Variants in RBFA observed in about 807,000 individuals in gnomAD.
The protein encoded by RBFA is putative ribosome-binding factor A, mitochondrial.
In RBFA, 16 loss-of-function variants were observed where a neutral mutation model predicts 27.9. The ratio of observed to expected loss-of-function variants is 0.57; its 90% CI spans 0.39 to 0.87. The LOEUF is 0.87. Among genes scored for constraint, RBFA ranks in the 40% least tolerant of loss-of-function variants. RBFA has a pLI of 0.00. For synonymous variants in RBFA, 181 were observed against 181.0 expected, an observed-to-expected ratio of 1.00 and a Z score of 0.00; for missense variants, 456 against 432.1, an observed-to-expected ratio of 1.06 and a Z score of -0.49.
rs892751568 is a variant in RBFA at position 80,046,790 on chromosome 18, C to A, written c.*635C>A. 1 of 153,146 alleles carries A rather than the reference C, an allele frequency of 6.5e-6. No homozygotes were observed. Among genetic ancestry groups the A allele is most frequent in the Non-Finnish European group, 1.5e-5 (1 of 68,680 alleles). 9.5% of individuals were successfully genotyped at this position (153,146 alleles called of 1,614,324 possible). On this transcript the variant is annotated 3_prime_UTR_variant, in exon 7 of 7. Coordinates refer to ENST00000306735, the MANE Select transcript of RBFA (RefSeq NM_024805.3). Reference sequence around the variant, plus strand: ...GGCGACCCCGGCTCTGACCGTGGTTCCATCACGCCTGAAGTAGTAACACTT... The same window carrying A: ...GGCGACCCCGGCTCTGACCGTGGTTACATCACGCCTGAAGTAGTAACACTT...
Position 80,042,122 on chromosome 18 carries a change from TTC to T in RBFA, c.492-11_492-10del. On this transcript the variant is annotated splice_polypyrimidine_tract_variant and intron_variant, in intron 4 of 6. Transcript: ENST00000306735. ...CGGCACAGCTGTGAGGGTCTGTGCG[TTC>T]TGTCTCCTAGGCACCTTTTGATGTC... is the stretch of plus-strand genomic sequence containing the variant. 1 of 1,600,226 alleles carries T rather than the reference TTC, an allele frequency of 6.2e-7. No homozygotes were observed. The highest frequency in any genetic ancestry group is 8.5e-7 in the Non-Finnish European group (1 of 1,171,828).
In RBFA at chr18:80,046,065, A is replaced by G. The variant is rs756000500; in HGVS notation, c.942A>G (p.Glu314=). The G allele has an allele frequency of 5.6e-6, 9 of 1,614,018 alleles. No homozygotes were observed. Among genetic ancestry groups the G allele is most frequent in the Non-Finnish European group, 7.6e-6 (9 of 1,180,044 alleles). Residue 314 remains glutamate, a synonymous_variant, in exon 7 of 7, where the codon GAA becomes GAG. Coordinates refer to ENST00000306735, the MANE Select transcript of RBFA (RefSeq NM_024805.3). ...ACCTGGTTGGTGCCCCGGAGTACGA[A>G]TGCTATGCCCCGGACACAGAGGAGT... ...DLDLVGAPEY[E]CYAPDTEELE...
intron 5 of RBFA, among the ~76,000 whole-genome samples, chr18:80,042,979 C>T (rs1485051172): frequency 3.3e-5 from 5 of 152,136 alleles, no homozygotes; most frequent in Admixed American, 2.0e-4. Flanking sequence ...TGCCCTCCCA[C>T]GCCTGTCTCC....
chr18:80,046,323 GTTTT>G lies in RBFA; in HGVS notation c.*174_*177del. 1.4e-6 allele frequency: 1 copy of G among 729,222 alleles called. No individual in the cohort carries two copies. Among genetic ancestry groups the G allele is most frequent in the East Asian group, 2.8e-5 (1 of 35,162 alleles). 45.2% of individuals were successfully genotyped at this position (729,222 alleles called of 1,614,324 possible). A position where few individuals can be genotyped will look rare whatever the true frequency, so the allele number is the denominator to read the frequency against. ...AACACAATTTGCTACACAAGTCACTGTTTTTTTTTCCATGCACTGTGTGTAATTT... is the reference window on the plus strand; with the variant it reads ...AACACAATTTGCTACACAAGTCACTGTTTTTCCATGCACTGTGTGTAATTT... On this transcript the variant is annotated 3_prime_UTR_variant, in exon 7 of 7. Transcript: ENST00000306735.
intron 2 of RBFA, 112 bp downstream of exon 2, chr18:80,036,822 T>C: frequency 1.4e-6 from 1 of 691,888 alleles, no homozygotes; most frequent in Non-Finnish European, 2.4e-6. Context: ...GGATAGTGTC[T>C]ATGTGGATGC....
intron 6 of RBFA, 47 bp from the exon 7 acceptor site, chr18:80,045,727 T>G (rs2052047138): frequency 6.7e-7 from 1 of 1,495,380 alleles, no homozygotes; most frequent in Non-Finnish European, 8.9e-7. Flanking sequence ...CACTGTGGAC[T>G]AGGGGCATGG....
At position 80,046,966 on chromosome 18, in the gene RBFA, C is replaced by T. The variant is rs1308725101; in HGVS notation, c.*811C>T. The stretch of plus-strand genomic sequence containing the variant: ...CGCAAAGATTCGTTTTGCTGTTTAT[C>T]AGAAGAGAAAACACAGATTCCATAC... On this transcript the variant is annotated 3_prime_UTR_variant, in exon 7 of 7. Transcript: ENST00000306735. 1 of 152,418 alleles carries T rather than the reference C, an allele frequency of 6.6e-6. No homozygotes were observed. The highest frequency in any genetic ancestry group is 1.5e-5 in the Non-Finnish European group (1 of 68,038). 9.4% of individuals were successfully genotyped at this position (152,418 alleles called of 1,614,324 possible).
chr18:80,041,227 G>A (rs12455376), intron 4 of RBFA: 71,641 of 152,078 alleles, frequency 0.47, 17,656 homozygotes, highest in East Asian at 0.77. Context: ...TGTTGAAACA[G>A]CATTGTTTTC....
chr18:80,039,535 G>A (rs1195899850), intron 4 of RBFA, among the ~76,000 whole-genome samples: 4 of 152,130 alleles, frequency 2.6e-5, no homozygotes, highest in Admixed American at 2.0e-4. Flanking sequence ...AAAAATAAGC[G>A]AGTGAACCTA....
At chr18:80,042,464 T>A (rs2145147502) in intron 5 of RBFA, among the ~76,000 whole-genome samples, 1 of 152,094 alleles carries the variant, frequency 6.6e-6, no homozygotes, top group South Asian at 2.1e-4. Context: ...CCTGAAAAGA[T>A]AATGTACAGT....
chr18:80,037,491 C>T lies in RBFA; in HGVS notation c.363C>T (p.Asn121=), dbSNP rs779505938. The T allele has an allele frequency of 9.9e-6, 16 of 1,612,116 alleles. No homozygotes were observed. Among genetic ancestry groups the T allele is most frequent in the Admixed American group, 5.0e-5 (3 of 59,944 alleles). Residue 121 remains asparagine, a synonymous_variant, in exon 3 of 7, where the codon AAC becomes AAT. Coordinates refer to ENST00000306735, the MANE Select transcript of RBFA (RefSeq NM_024805.3). ...PEVSQELYDL[N]VELSKVSLTP... ...TGAGTCAGGAGCTGTATGACCTTAA[C>T]GTGGAGCTCTCCAAGGTAGGCTGTG... is the stretch of plus-strand genomic sequence containing the variant.
intron 6 of RBFA, among the ~76,000 whole-genome samples, chr18:80,045,557 CT>C (rs2052045678): frequency 6.6e-6 from 1 of 152,084 alleles, no homozygotes; most frequent in Non-Finnish European, 1.5e-5. Flanking sequence ...GACGGTGCAC[CT>C]GGACTGTGCT....
At position 80,045,937 on chromosome 18, in the gene RBFA, A is replaced by T. The variant is rs1331286531; in HGVS notation, c.814A>T (p.Thr272Ser). The change falls in exon 7 of 7, where the codon ACA (threonine) becomes TCA (serine). Residue 272 changes from threonine to serine, a missense_variant. By Grantham distance (58) the Thr-to-Ser change is moderately conservative (BLOSUM62 1). Coordinates refer to ENST00000306735, the MANE Select transcript of RBFA (RefSeq NM_024805.3). ...LVWQGQVAELTTQMKKGRKRA... is the reference protein window; with the variant it reads ...LVWQGQVAELSTQMKKGRKRA... ...GTGGCAGGGGCAGGTGGCTGAGCTG[A>T]CAACGCAGATGAAAAAGGGAAGGAA... 42 of 1,613,902 alleles carry T rather than the reference A, an allele frequency of 2.6e-5. No homozygotes were observed. The highest frequency in any genetic ancestry group is 3.5e-5 in the Non-Finnish European group (41 of 1,179,970).
At chr18:80,038,133 A>ATCTCAGTG (rs2051993237) in intron 3 of RBFA, among the ~76,000 whole-genome samples, 2 of 152,210 alleles carry the variant, frequency 1.3e-5, no homozygotes, top group Non-Finnish European at 2.9e-5. Context: ...CTCAGTACAG[A>ATCTCAGTG]GGTACAGGAG....
At chr18:80,034,925 A>G in intron 1 of RBFA, 1 of 400,370 alleles carries the variant, frequency 2.5e-6, no homozygotes, top group Non-Finnish European at 4.4e-6. Flanking sequence ...AGTTTCAGAA[A>G]ATGAGGAAAA....
chr18:80,048,851 T>C lies in RBFA; in HGVS notation c.*2696T>C, dbSNP rs1326283892. Among the ~76,000 whole-genome samples the C allele has an allele frequency of 6.9e-6, 1 of 145,186 alleles. No homozygotes were observed. Among genetic ancestry groups the C allele is most frequent in the Non-Finnish European group, 1.5e-5 (1 of 66,998 alleles). On this transcript the variant is annotated 3_prime_UTR_variant, in exon 7 of 7. Transcript: ENST00000306735. ...TCAGTGCCTCCTAGAAAGTGGAGTGTGGGCATGTTTGCAGGGGATCCAACC... is the reference window on the plus strand; with the variant it reads ...TCAGTGCCTCCTAGAAAGTGGAGTGCGGGCATGTTTGCAGGGGATCCAACC...
At chr18:80,036,996 C>T (rs1030990329) in intron 2 of RBFA, among the ~76,000 whole-genome samples, 1 of 152,074 alleles carries the variant, frequency 6.6e-6, no homozygotes, top group Non-Finnish European at 1.5e-5. Flanking sequence ...TATATGGCTC[C>T]CATTCTGAAA....
chr18:80,038,478 G>T, intron 3 of RBFA, 27 bp from the exon 4 acceptor site: 1 of 1,492,400 alleles, frequency 6.7e-7, no homozygotes, highest in Non-Finnish European at 9.3e-7. Context: ...AAGCTAAAAA[G>T]TGACCTGTGG....
intron 5 of RBFA, among the ~76,000 whole-genome samples, 191 bp from the exon 6 acceptor site, chr18:80,044,021 A>G (rs760905091): frequency 6.6e-6 from 1 of 152,238 alleles, no homozygotes; most frequent in Non-Finnish European, 1.5e-5. Flanking sequence ...GTTATGTTAA[A>G]GTAACAGTAA....
Sources: gnomAD v4.1 joint callset for allele counts (sites outside exome capture counted in the v4.1 genomes callset) on GRCh38, gnomAD v4.1.1 for gene constraint, MANE v1.5 for transcripts, NCBI Gene and HGNC (gene_info 2026-07-23, HGNC 2026-07-21) for gene names.